The following CDH12 variants were observed in gnomAD, a reference collection of about 807,000 sequenced individuals.
CDH12 encodes cadherin-12.
A neutral mutation model predicts 74.1 loss-of-function variants in CDH12; 41 were observed. The ratio of observed to expected loss-of-function variants is 0.55; its 90% confidence interval spans 0.43 to 0.72. The LOEUF is 0.72. CDH12 is among the 30% of genes least tolerant of loss of function. CDH12 has a pLI of 0.00. For synonymous variants in CDH12, 399 were observed against 355.0 expected (o/e 1.12, Z -1.39); for missense variants, 945 against 977.2 (o/e 0.97, Z 0.44).
intron 4 of CDH12, among the ~76,000 whole-genome samples, chr5:22,081,343 AT>A (rs1323486379): frequency 6.6e-6 from 1 of 152,060 alleles, no homozygotes; most frequent in South Asian, 2.1e-4. Context: ...ATGGTAATGT[AT>A]TTTTTTCTCA....
chr5:21,869,720 A>G (rs888459988), intron 6 of CDH12, among the ~76,000 whole-genome samples: 6 of 152,150 alleles, frequency 3.9e-5, no homozygotes, highest in Admixed American at 3.9e-4. Context: ...TACAAAGGAT[A>G]CTTGTATCAT....
chr5:22,027,395 G>T (rs1461971391), intron 5 of CDH12, among the ~76,000 whole-genome samples: 1 of 152,146 alleles, frequency 6.6e-6, no homozygotes, highest in African/African-American at 2.4e-5. Flanking sequence ...AATGGTACCA[G>T]TTCCTCCTTG....
chr5:22,664,233 C>G (rs912473641), intron 1 of CDH12, among the ~76,000 whole-genome samples: 2 of 152,142 alleles, frequency 1.3e-5, no homozygotes, highest in Non-Finnish European at 2.9e-5. Context: ...ATTAGTCCAT[C>G]TGAATACTGT....
chr5:22,823,159 C>T (rs1434088455), intron 1 of CDH12, among the ~76,000 whole-genome samples: 7 of 147,576 alleles, frequency 4.7e-5, no homozygotes, highest in African/African-American at 1.5e-4. Flanking sequence ...CGCATGTTCT[C>T]ACTCATAGGT....
At chr5:22,339,454 T>C (rs1739748694) in intron 3 of CDH12, among the ~76,000 whole-genome samples, 1 of 152,182 alleles carries the variant, frequency 6.6e-6, no homozygotes, top group South Asian at 2.1e-4. Context: ...TTATAAATAT[T>C]TGGTTTTGAG....
intron 1 of CDH12, among the ~76,000 whole-genome samples, chr5:22,727,563 C>A (rs941513891): frequency 6.6e-6 from 1 of 151,574 alleles, no homozygotes; most frequent in African/African-American, 2.4e-5. Context: ...CATTTCATTT[C>A]TCTTTGTCAC....
At chr5:21,893,658 C>A (rs1752992241) in intron 6 of CDH12, among the ~76,000 whole-genome samples, 1 of 152,200 alleles carries the variant, frequency 6.6e-6, no homozygotes, top group Non-Finnish European at 1.5e-5. Context: ...GTGAAGTAAC[C>A]CTGCTACTGA....
intron 4 of CDH12, among the ~76,000 whole-genome samples, chr5:22,207,884 G>A (rs1431803656): frequency 2.6e-5 from 4 of 152,154 alleles, no homozygotes; most frequent in Non-Finnish European, 5.9e-5. Context: ...TTACAGGTAA[G>A]GTGACAGCTA....
chr5:22,514,501 GC>G (rs1010318281), intron 1 of CDH12, among the ~76,000 whole-genome samples: 4 of 151,084 alleles, frequency 2.6e-5, no homozygotes, highest in African/African-American at 7.3e-5. Context: ...ATCCCAGGAA[GC>G]CTATACACTT....
intron 4 of CDH12, among the ~76,000 whole-genome samples, chr5:22,099,129 T>C (rs925973323): frequency 2.0e-5 from 3 of 152,140 alleles, no homozygotes; most frequent in Non-Finnish European, 4.4e-5. Flanking sequence ...TAGACACTTT[T>C]ACTGGATAAG....
intron 1 of CDH12, among the ~76,000 whole-genome samples, chr5:22,811,077 A>G (rs1749121972): frequency 1.3e-5 from 2 of 151,816 alleles, no homozygotes; most frequent in South Asian, 4.1e-4. Context: ...ATGTATACAT[A>G]CATATATACA....
chr5:21,868,193 T>G (rs762522950), intron 6 of CDH12, among the ~76,000 whole-genome samples: 1 of 146,230 alleles, frequency 6.8e-6, no homozygotes, highest in Non-Finnish European at 1.5e-5. Flanking sequence ...TTTTGTAAAT[T>G]TCACCGTCCA....
At chr5:22,175,902 C>G (rs1364293585) in intron 4 of CDH12, among the ~76,000 whole-genome samples, 1 of 152,144 alleles carries the variant, frequency 6.6e-6, no homozygotes, top group Non-Finnish European at 1.5e-5. Flanking sequence ...CTTCCTAAAC[C>G]AAGAAGCACC....
intron 1 of CDH12, among the ~76,000 whole-genome samples, chr5:22,548,930 GTTTT>G (rs1331415056): frequency 6.6e-6 from 1 of 151,582 alleles, no homozygotes; most frequent in Non-Finnish European, 1.5e-5. Context: ...CAAATCCAGG[GTTTT>G]TTGTTTGTTT....
At chr5:21,862,988 C>A (rs1751130890) in intron 6 of CDH12, among the ~76,000 whole-genome samples, 1 of 152,022 alleles carries the variant, frequency 6.6e-6, no homozygotes, top group African/African-American at 2.4e-5. Flanking sequence ...AGCCAACTCA[C>A]AAGATTGATC....
At chr5:22,090,224 A>G (rs1048615019) in intron 4 of CDH12, among the ~76,000 whole-genome samples, 5 of 151,654 alleles carry the variant, frequency 3.3e-5, no homozygotes, top group African/African-American at 9.7e-5. Flanking sequence ...TCTAACAATT[A>G]AAAAACGTAC....
In CDH12 at chr5:22,293,809, G is replaced by A. The variant is rs933253869; in HGVS notation, c.-332-81166C>T. 3.9e-5 allele frequency among the ~76,000 whole-genome samples: 6 copies of A among 152,148 alleles called. No individual in the cohort carries two copies. The East Asian group carries it at 1.2e-3, about 29-fold the overall frequency. ...ACATAATTGATCTCACAGAAGTAGA[G>A]AGTAGGATGGTGGCTACCAGAGGCT... On this transcript the variant is annotated intron_variant, in intron 3 of 14. Transcript: ENST00000382254.
chr5:21,781,139 A>G (rs1745883372), intron 11 of CDH12, among the ~76,000 whole-genome samples: 1 of 152,192 alleles, frequency 6.6e-6, no homozygotes, highest in Non-Finnish European at 1.5e-5. Context: ...GGCAACCTAT[A>G]ACGCACCTGT....
intron 4 of CDH12, among the ~76,000 whole-genome samples, chr5:22,185,457 C>T (rs1749891239): frequency 6.6e-6 from 1 of 152,094 alleles, no homozygotes; most frequent in African/African-American, 2.4e-5. Context: ...ACTATTTATG[C>T]AGAAATGGCA....
Sources: allele counts gnomAD v4.1 joint callset (sites outside exome capture counted in the v4.1 genomes callset), GRCh38; gene constraint gnomAD v4.1.1; transcripts MANE v1.5; gene names NCBI Gene and HGNC (gene_info 2026-07-23, HGNC 2026-07-21).